Variants in ROBO2 observed in about 807,000 individuals in gnomAD.
ROBO2 encodes the protein roundabout guidance receptor 2.
A neutral mutation model predicts 160.8 loss-of-function variants in ROBO2; 53 were observed. The ratio of observed to expected loss-of-function variants is 0.33; its 90% CI spans 0.26 to 0.41. The LOEUF (loss-of-function observed/expected upper bound fraction) is 0.41, where lower values mean the gene tolerates loss of function less well. Ranked by LOEUF, ROBO2 falls within the 10% of genes least tolerant of loss-of-function variation. The pLI, the probability that ROBO2 is intolerant of heterozygous loss-of-function variation, is 1.00. For synonymous variants in ROBO2, 664 were observed against 611.7 expected (o/e 1.09, Z -1.26); for missense variants, 1,577 against 1,722.4 (o/e 0.92, Z 1.49).
chr3:76,766,816 G>T (rs1280741874), intron 2 of ROBO2, among the ~76,000 whole-genome samples: 1 of 151,498 alleles, frequency 6.6e-6, no homozygotes, highest in African/African-American at 2.4e-5. Flanking sequence ...ATTGCTGTCT[G>T]CTGGGTAATT....
intron 2 of ROBO2, among the ~76,000 whole-genome samples, chr3:77,255,145 A>G (rs1326295280): frequency 6.6e-6 from 1 of 152,204 alleles, no homozygotes; most frequent in African/African-American, 2.4e-5. Flanking sequence ...ATGTAAGGTT[A>G]CCCAGTGAAA....
In ROBO2 at chr3:76,331,685, T is replaced by C. The variant is rs573213451; in HGVS notation, c.109+394083T>C. 1.6e-3 allele frequency among the ~76,000 whole-genome samples: 224 copies of C among 140,194 alleles called. 2 individuals are homozygous for C. Among genetic ancestry groups the C allele is most frequent in the Non-Finnish European group, 2.1e-3 (129 of 62,882 alleles). The allele number at this position is 140,194 out of a possible 152,430, so 92.0% of individuals were successfully genotyped here. On this transcript the variant is annotated intron_variant, in intron 2 of 26. Coordinates refer to the ROBO2 transcript ENST00000487694. ...TGTTATTGTTCTATTTTAAGTAATATTTGAATTTTTTTTTTTTTTTCGAGA... is the reference window on the plus strand; with the variant it reads ...TGTTATTGTTCTATTTTAAGTAATACTTGAATTTTTTTTTTTTTTTCGAGA...
intron 2 of ROBO2, among the ~76,000 whole-genome samples, chr3:77,252,831 A>AAAAAT: frequency 3.2e-4 from 4 of 12,520 alleles, no homozygotes; most frequent in African/African-American, 6.3e-4. Flanking sequence ...AAAAAAAAAA[A>AAAAAT]ATATATATAT....
intron 2 of ROBO2, among the ~76,000 whole-genome samples, chr3:76,661,711 A>C (rs1212925243): frequency 4.6e-5 from 7 of 152,164 alleles, no homozygotes; most frequent in Admixed American, 4.6e-4. Flanking sequence ...TGTGGAAGCC[A>C]AGGTTCTTGT....
At chr3:76,116,789 G>A (rs1576924375) in intron 2 of ROBO2, among the ~76,000 whole-genome samples, 1 of 152,124 alleles carries the variant, frequency 6.6e-6, no homozygotes, top group African/African-American at 2.4e-5. Flanking sequence ...ACCAAGCTTT[G>A]TGTGAGCACA....
intron 14 of ROBO2, 56 bp downstream of exon 15, chr3:77,574,786 A>G (rs542827277): frequency 3.2e-6 from 4 of 1,268,540 alleles, no homozygotes; most frequent in Admixed American, 1.8e-5. Context: ...TTTCTGTTAC[A>G]GTACCTATTT....
At chr3:76,382,837 T>C (rs1261483625) in intron 2 of ROBO2, among the ~76,000 whole-genome samples, 3 of 152,108 alleles carry the variant, frequency 2.0e-5, no homozygotes, top group Non-Finnish European at 2.9e-5. Flanking sequence ...GGCCAAAGCA[T>C]CTAATATGCA....
chr3:76,401,970 C>T (rs1180650227), intron 2 of ROBO2, among the ~76,000 whole-genome samples: 1 of 151,386 alleles, frequency 6.6e-6, no homozygotes, highest in African/African-American at 2.4e-5. Context: ...TTGATCAGTA[C>T]GAGAGGATAA....
intron 6 of ROBO2, among the ~76,000 whole-genome samples, chr3:77,538,688 CT>C (rs1342916514): frequency 6.6e-6 from 1 of 152,058 alleles, no homozygotes; most frequent in Non-Finnish European, 1.5e-5. Flanking sequence ...AACAGAAAAT[CT>C]TTTGAAATCA....
At chr3:77,065,436 G>A (rs2066740525) in intron 1 of ROBO2, among the ~76,000 whole-genome samples, 1 of 151,878 alleles carries the variant, frequency 6.6e-6, no homozygotes, top group Non-Finnish European at 1.5e-5. Context: ...TGTATTTTTT[G>A]TATCTAAACC....
At chr3:77,147,020 G>A (rs7615545) in intron 2 of ROBO2, among the ~76,000 whole-genome samples, 20,559 of 152,062 alleles carry the variant, frequency 0.14, 1,983 homozygotes, top group East Asian at 0.31. Context: ...TAGTAAATAT[G>A]TACACTGGGG....
chr3:76,192,610 T>C (rs2107189006), intron 2 of ROBO2, among the ~76,000 whole-genome samples: 1 of 151,104 alleles, frequency 6.6e-6, no homozygotes, highest in Non-Finnish European at 1.5e-5. Context: ...ACCCATCGTG[T>C]CCTCCTGTTA....
intron 2 of ROBO2, among the ~76,000 whole-genome samples, chr3:76,622,498 A>G (rs2089294941): frequency 6.6e-6 from 1 of 152,068 alleles, no homozygotes; most frequent in African/African-American, 2.4e-5. Flanking sequence ...TTATTGTTCT[A>G]TTTAACAGTC....
chr3:77,605,019 A>T (rs547970566), intron 20 of ROBO2, among the ~76,000 whole-genome samples: 1 of 151,798 alleles, frequency 6.6e-6, no homozygotes, highest in Admixed American at 6.6e-5. Context: ...TACAAAAATT[A>T]GCCAAGCATG....
At chr3:76,304,737 CT>C (rs371614079) in intron 2 of ROBO2, among the ~76,000 whole-genome samples, 23,292 of 61,982 alleles carry the variant, frequency 0.38, 2,979 homozygotes, top group Non-Finnish European at 0.49. Context: ...TCTTTCTTTT[CT>C]TTTCTTTCCT....
chr3:76,677,115 A>T (rs1445543110), intron 2 of ROBO2, among the ~76,000 whole-genome samples: 1 of 152,078 alleles, frequency 6.6e-6, no homozygotes, highest in African/African-American at 2.4e-5. Context: ...TTATCTTTCC[A>T]ATGCTTTTAT....
At chr3:77,191,474 T>C (rs1431608328) in intron 2 of ROBO2, among the ~76,000 whole-genome samples, 4 of 152,194 alleles carry the variant, frequency 2.6e-5, no homozygotes, top group Non-Finnish European at 4.4e-5. Context: ...TCTCTAGGGA[T>C]AAGAGGCTAA....
chr3:77,128,059 G>A (rs968261897), intron 2 of ROBO2, among the ~76,000 whole-genome samples: 2 of 152,078 alleles, frequency 1.3e-5, no homozygotes, highest in Admixed American at 6.5e-5. Flanking sequence ...AATTAAACGT[G>A]ATTTATTCAT....
At chr3:76,914,195 TGTATC>T (rs1448231390) in intron 2 of ROBO2, among the ~76,000 whole-genome samples, 5 of 152,316 alleles carry the variant, frequency 3.3e-5, no homozygotes, top group African/African-American at 1.2e-4. Context: ...ATTTTTAAAA[TGTATC>T]CTCAGTTGCA....
Sources: gnomAD v4.1 joint callset for allele counts (sites outside exome capture counted in the v4.1 genomes callset) on GRCh38, gnomAD v4.1.1 for gene constraint, MANE v1.5 for transcripts, NCBI Gene and HGNC (gene_info 2026-07-23, HGNC 2026-07-21) for gene names.